RNF14: variants seen among roughly 807,000 people sequenced by gnomAD.
The protein encoded by RNF14 is E3 ubiquitin-protein ligase RNF14.
RNF14 carries 26 observed loss-of-function variants against 52.6 expected under a neutral mutation model. The ratio of observed to expected loss-of-function variants is 0.49; its 90% CI spans 0.36 to 0.69. RNF14 has a LOEUF of 0.69. Ranked by LOEUF, RNF14 falls within the 30% of genes least tolerant of loss-of-function variation. The pLI is 0.00. For missense variants in RNF14, 404 were observed against 560.4 expected (o/e 0.72, Z 2.82); for synonymous variants, 194 against 202.0 (o/e 0.96, Z 0.34).
At chr5:141,984,418 C>A (rs1295886506) in intron 7 of RNF14, among the ~76,000 whole-genome samples, 4 of 152,094 alleles carry the variant, frequency 2.6e-5, no homozygotes, top group African/African-American at 7.2e-5. Flanking sequence ...TTTTGACATA[C>A]CTTAGCCCTA....
At position 141,971,561 on chromosome 5, in the gene RNF14, C is replaced by CTTTTTT. The variant is rs137979363; in HGVS notation, c.-7+689_-7+690insTTTTTT. On this transcript the variant is annotated intron_variant, in intron 2 of 8. Coordinates refer to ENST00000394520, the MANE Select transcript of RNF14 (RefSeq NM_004290.5). Reference sequence around the variant, plus strand: ...TTCATACTTTAATTGTAGCTAATTTCTTTTTCTTTCTTTCTTTCTTTCTTT... The same window carrying CTTTTTT: ...TTCATACTTTAATTGTAGCTAATTTCTTTTTTTTTTTCTTTCTTTCTTTCTTTCTTT... Among the ~76,000 whole-genome samples, 20 of 31,970 alleles carry CTTTTTT rather than the reference C, an allele frequency of 6.3e-4. 1 individual carries two copies. The highest frequency in any genetic ancestry group is 1.1e-3 in the Non-Finnish European group (19 of 16,998). The allele number at this position is 31,970 out of a possible 152,430, so 21.0% of individuals were successfully genotyped here. A position where few individuals can be genotyped will look rare whatever the true frequency, so the allele number is the denominator to read the frequency against.
At chr5:141,969,594 T>A (rs1183009004) in intron 1 of RNF14, 1 of 152,180 alleles carries the variant, frequency 6.6e-6, no homozygotes, top group East Asian at 1.9e-4. Context: ...GAGAAGGAAA[T>A]GGGGGTTAGC....
At chr5:141,954,977 CAGG>C, upstream of RNF14, 1 of 1,610,602 alleles carries the variant, frequency 6.2e-7, no homozygotes, top group Non-Finnish European at 8.5e-7. Context: ...GGTACCTGAA[CAGG>C]AGGAGAATCC....
chr5:141,951,684 A>G, the RNF14 span: 35 of 902,484 alleles, frequency 3.9e-5, no homozygotes, highest in South Asian at 5.4e-5. Flanking sequence ...CTTTCTTTTT[A>G]TAGTCTTTCC....
At chr5:141,971,560 TC>T (rs1245665892) in intron 2 of RNF14, among the ~76,000 whole-genome samples, 20 of 35,018 alleles carry the variant, frequency 5.7e-4, no homozygotes, top group African/African-American at 2.1e-3. Context: ...GTAGCTAATT[TC>T]TTTTTCTTTC....
At chr5:141,964,226 G>A (rs945143444), upstream of RNF14, among the ~76,000 whole-genome samples, 2 of 152,144 alleles carry the variant, frequency 1.3e-5, no homozygotes, top group Non-Finnish European at 2.9e-5. Flanking sequence ...CAGGGAAGCT[G>A]GTCACGCAGG....
chr5:141,957,035 G>T, upstream of RNF14: 1 of 1,614,174 alleles, frequency 6.2e-7, no homozygotes, highest in East Asian at 2.2e-5. This position sits in a 1 kb window ranked among gnomAD's most constrained non-coding sequence, Gnocchi z 4.3. Context: ...TTGGGGCCTT[G>T]GTCAGGGTCT....
chr5:141,966,842 T>C (rs1011301085), upstream of RNF14: 3 of 152,366 alleles, frequency 2.0e-5, no homozygotes, highest in African/African-American at 7.2e-5. Context: ...GGTTGGTGCA[T>C]GGGCTTCCTC....
At chr5:141,984,496 T>G (rs1755063128) in intron 7 of RNF14, among the ~76,000 whole-genome samples, 1 of 152,226 alleles carries the variant, frequency 6.6e-6, no homozygotes, top group African/African-American at 2.4e-5. Flanking sequence ...ACCCACACGT[T>G]ACATCCAAAC....
At chr5:141,981,229 G>A (rs969868362) in intron 6 of RNF14, among the ~76,000 whole-genome samples, 1 of 152,194 alleles carries the variant, frequency 6.6e-6, no homozygotes, top group Non-Finnish European at 1.5e-5. Context: ...ATAATATATA[G>A]AAATTGAGAG....
chr5:141,953,286 T>C, the RNF14 span: 3 of 152,136 alleles, frequency 2.0e-5, no homozygotes, highest in African/African-American at 7.2e-5. Context: ...TCCTCAACAG[T>C]AAAAAAAGTG....
upstream of RNF14, among the ~76,000 whole-genome samples, chr5:141,967,157 C>T (rs897641513): frequency 6.6e-6 from 1 of 152,098 alleles, no homozygotes; most frequent in South Asian, 2.1e-4. Context: ...CCCTTGGGTG[C>T]CCTGATTTAC....
chr5:141,955,147 C>G, upstream of RNF14: 1 of 1,614,206 alleles, frequency 6.2e-7, no homozygotes, highest in Non-Finnish European at 8.5e-7. This position sits in a 1 kb window ranked among gnomAD's most constrained non-coding sequence, Gnocchi z 5.5. Context: ...GGCTGGTGGC[C>G]TCTGTGGGGC....
At chr5:141,973,089 C>T (rs1596672811) in intron 2 of RNF14, among the ~76,000 whole-genome samples, 2 of 152,250 alleles carry the variant, frequency 1.3e-5, no homozygotes, top group East Asian at 3.9e-4. Flanking sequence ...CACAACCATC[C>T]CTTTTGAAAA....
At chr5:141,955,389 G>C, upstream of RNF14, 1 of 1,614,018 alleles carries the variant, frequency 6.2e-7, no homozygotes, top group Non-Finnish European at 8.5e-7. This position sits in a 1 kb window ranked among gnomAD's most constrained non-coding sequence, Gnocchi z 5.5. Context: ...TCCTGTACAG[G>C]GTCGGGGTGA....
intron 4 of RNF14, 119 bp downstream of exon 4, chr5:141,975,074 G>A: frequency 3.6e-6 from 4 of 1,114,776 alleles, no homozygotes; most frequent in Non-Finnish European, 5.1e-6. Flanking sequence ...CTTTGGTTTT[G>A]TAATTTTTTT....
chr5:141,960,439 G>A (rs1753261071), intron 1 of RNF14, among the ~76,000 whole-genome samples: 1 of 152,208 alleles, frequency 6.6e-6, no homozygotes, highest in Non-Finnish European at 1.5e-5. Context: ...GGGCAAAATG[G>A]GCAAAGGCCC....
chr5:141,957,183 G>A (rs199646351), upstream of RNF14: 1 of 1,614,044 alleles, frequency 6.2e-7, no homozygotes, highest in Middle Eastern at 1.6e-4. This position sits in a 1 kb window ranked among gnomAD's most constrained non-coding sequence, Gnocchi z 4.3. Context: ...TACCTGACTT[G>A]GGGGGGTTCC....
upstream of RNF14, chr5:141,954,848 C>G: frequency 2.4e-6 from 3 of 1,276,420 alleles, no homozygotes; most frequent in Non-Finnish European, 3.2e-6. Context: ...CTACCCAAAG[C>G]ATCAGAAAGT....
Sources: allele counts gnomAD v4.1 joint callset (sites outside exome capture counted in the v4.1 genomes callset), GRCh38; gene constraint gnomAD v4.1.1; non-coding constraint Gnocchi (gnomAD v3.1); transcripts MANE v1.5; gene names NCBI Gene and HGNC (gene_info 2026-07-23, HGNC 2026-07-21).